RPS6KC1: variants seen among roughly 807,000 people sequenced by gnomAD.
RPS6KC1 encodes the protein inactive ribosomal protein S6 kinase delta-1.
Under a neutral mutation model 103.8 loss-of-function variants are expected in RPS6KC1, and 54 were observed. That is an observed-to-expected ratio of 0.52 (90% CI 0.42 to 0.65). RPS6KC1 has a LOEUF of 0.65. Ranked by LOEUF, RPS6KC1 falls within the 30% of genes least tolerant of loss-of-function variation. The pLI is 0.00. For synonymous variants in RPS6KC1, 439 were observed against 438.7 expected, an observed-to-expected ratio of 1.00 and a Z score of -0.01; for missense variants, 1,151 against 1,253.8, an observed-to-expected ratio of 0.92 and a Z score of 1.24.
At chr1:213,847,353 G>A in the RPS6KC1 span, among the ~76,000 whole-genome samples, 2 of 152,174 alleles carry the variant, frequency 1.3e-5, no homozygotes, top group Non-Finnish European at 2.9e-5. Flanking sequence ...GAGGTTGCTT[G>A]TTGGAGATAG....
the RPS6KC1 span, among the ~76,000 whole-genome samples, chr1:213,292,889 G>T: frequency 6.6e-6 from 1 of 152,158 alleles, no homozygotes; most frequent in African/African-American, 2.4e-5. Context: ...AGGAGAAAAA[G>T]AAAGAAAGTC....
chr1:213,786,918 G>A, the RPS6KC1 span, among the ~76,000 whole-genome samples: 1 of 152,176 alleles, frequency 6.6e-6, no homozygotes, highest in African/African-American at 2.4e-5. Flanking sequence ...CTTATAAGAA[G>A]TAAGGCATTT....
At chr1:213,835,649 A>G in the RPS6KC1 span, among the ~76,000 whole-genome samples, 5 of 152,228 alleles carry the variant, frequency 3.3e-5, no homozygotes, top group African/African-American at 1.2e-4. Context: ...CTCCAGGTAT[A>G]CCAAACTCTC....
At chr1:213,364,635 A>G in the RPS6KC1 span, among the ~76,000 whole-genome samples, 2 of 152,014 alleles carry the variant, frequency 1.3e-5, no homozygotes, top group African/African-American at 4.8e-5. Context: ...TAGAAAAGAG[A>G]GGGTAGAAAA....
At chr1:213,148,936 C>T (rs1363911225) in intron 6 of RPS6KC1, among the ~76,000 whole-genome samples, 1 of 152,086 alleles carries the variant, frequency 6.6e-6, no homozygotes, top group Non-Finnish European at 1.5e-5. Context: ...TTGTCCATTT[C>T]TTCTAGACTT....
chr1:213,145,402 T>C (rs992247492), intron 6 of RPS6KC1, among the ~76,000 whole-genome samples: 12 of 152,094 alleles, frequency 7.9e-5, no homozygotes, highest in Non-Finnish European at 1.5e-5. Context: ...TATTTAGAAT[T>C]ATTGCCTGAT....
At chr1:213,756,324 G>T in the RPS6KC1 span, among the ~76,000 whole-genome samples, 1 of 152,214 alleles carries the variant, frequency 6.6e-6, no homozygotes, top group African/African-American at 2.4e-5. Context: ...GACTGGAAAA[G>T]CCTTAGTGTC....
chr1:213,786,012 G>A, the RPS6KC1 span, among the ~76,000 whole-genome samples: 11 of 152,134 alleles, frequency 7.2e-5, no homozygotes, highest in Admixed American at 5.2e-4. Context: ...TGAGATGCAA[G>A]AATTTTGAGC....
chr1:213,642,704 A>G, the RPS6KC1 span, among the ~76,000 whole-genome samples: 1 of 152,006 alleles, frequency 6.6e-6, no homozygotes, highest in South Asian at 2.1e-4. Context: ...AAGTTTGATA[A>G]ATTAATCAAA....
chr1:213,651,881 C>T, the RPS6KC1 span, among the ~76,000 whole-genome samples: 7 of 152,194 alleles, frequency 4.6e-5, no homozygotes, highest in Non-Finnish European at 4.4e-5. Context: ...CTCCTTCCCA[C>T]GTGGCCTGAG....
the RPS6KC1 span, among the ~76,000 whole-genome samples, chr1:213,367,725 G>A: frequency 6.6e-6 from 1 of 152,214 alleles, no homozygotes; most frequent in African/African-American, 2.4e-5. Context: ...CAGAAAAGCA[G>A]GGGTTCTCAG....
intron 12 of RPS6KC1, among the ~76,000 whole-genome samples, chr1:213,261,132 A>G (rs536839392): frequency 3.5e-5 from 4 of 113,962 alleles, no homozygotes; most frequent in African/African-American, 9.8e-5. Context: ...ACCTGCAAGT[A>G]AAAGGATGAT....
the RPS6KC1 span, among the ~76,000 whole-genome samples, chr1:213,363,722 CTTTCG>C: frequency 6.8e-5 from 8 of 117,242 alleles, no homozygotes; most frequent in East Asian, 4.3e-4. Flanking sequence ...TTCTTTCTTT[CTTTCG>C]TTCTTTCTTT....
At position 213,115,833 on chromosome 1, in the gene RPS6KC1, G is replaced by A. The variant is rs967320667; in HGVS notation, c.379-1484G>A. Among the ~76,000 whole-genome samples, 3 of 152,204 alleles carry A rather than the reference G, an allele frequency of 2.0e-5. No individual in the cohort carries two copies. In the East Asian group the frequency reaches 5.8e-4, roughly 29 times the overall value. On this transcript the variant is annotated intron_variant, in intron 4 of 14. Transcript: ENST00000366960. ...GTACGCAGTAGTCATTCAGGAGCAG[G>A]TTGTTCAGTTTCCATGTAGTTGAGT...
At chr1:213,737,374 C>T in the RPS6KC1 span, among the ~76,000 whole-genome samples, 2 of 152,146 alleles carry the variant, frequency 1.3e-5, no homozygotes, top group Non-Finnish European at 2.9e-5. Context: ...CTCACCATGA[C>T]CATGACAGCT....
intron 6 of RPS6KC1, among the ~76,000 whole-genome samples, chr1:213,132,088 CAAAT>C (rs1352603153): frequency 6.6e-6 from 1 of 152,140 alleles, no homozygotes; most frequent in African/African-American, 2.4e-5. Context: ...CAGAAAATAA[CAAAT>C]AATGTGTCAT....
At chr1:213,216,529 C>T (rs1372798201) in intron 8 of RPS6KC1, among the ~76,000 whole-genome samples, 3 of 152,184 alleles carry the variant, frequency 2.0e-5, no homozygotes, top group East Asian at 1.9e-4. Flanking sequence ...ACCTAATAGA[C>T]ATCTACAGAA....
At chr1:213,276,394 C>T (rs1165844599), downstream of RPS6KC1, among the ~76,000 whole-genome samples, 1 of 152,168 alleles carries the variant, frequency 6.6e-6, no homozygotes, top group Non-Finnish European at 1.5e-5. Flanking sequence ...CCTGGTATTT[C>T]AAGCTCTTTC....
At chr1:213,578,076 C>G in the RPS6KC1 span, among the ~76,000 whole-genome samples, 1 of 152,218 alleles carries the variant, frequency 6.6e-6, no homozygotes, top group South Asian at 2.1e-4. Context: ...ACTGTGCAGT[C>G]TAAGGACATG....
Sources: allele counts gnomAD v4.1 joint callset (sites outside exome capture counted in the v4.1 genomes callset), GRCh38; gene constraint gnomAD v4.1.1; transcripts MANE v1.5; gene names NCBI Gene and HGNC (gene_info 2026-07-23, HGNC 2026-07-21).